PTPRD: variants seen among roughly 807,000 people sequenced by gnomAD.
The protein encoded by PTPRD is receptor-type tyrosine-protein phosphatase delta.
In PTPRD, 34 loss-of-function variants were observed where a neutral mutation model predicts 214.5. That is an observed-to-expected ratio of 0.16 (90% CI 0.12 to 0.21). The LOEUF is 0.21. PTPRD is among the 10% of genes least tolerant of loss of function. The pLI, the probability that PTPRD is intolerant of heterozygous loss-of-function variation, is 1.00. For missense variants in PTPRD, 2,545 were observed against 2,398.7 expected (o/e 1.06, Z -1.27); for synonymous variants, 1,128 against 845.7 (o/e 1.33, Z -5.79).
At chr9:8,477,086 C>A (rs1223914038) in intron 30 of PTPRD, among the ~76,000 whole-genome samples, 1 of 151,234 alleles carries the variant, frequency 6.6e-6, no homozygotes, top group Admixed American at 6.6e-5. Context: ...TTCATATCAA[C>A]CAAATCATAT....
At chr9:8,908,157 C>T (rs930442184) in intron 11 of PTPRD, among the ~76,000 whole-genome samples, 2 of 152,126 alleles carry the variant, frequency 1.3e-5, no homozygotes, top group African/African-American at 4.8e-5. Flanking sequence ...TGTAATGAAA[C>T]TGCTGAAAAA....
At chr9:8,378,699 C>T (rs1196456265) in intron 37 of PTPRD, among the ~76,000 whole-genome samples, 1 of 152,038 alleles carries the variant, frequency 6.6e-6, no homozygotes, top group Non-Finnish European at 1.5e-5. Context: ...AAAAACAGCA[C>T]ATTAATGCAA....
chr9:10,428,591 A>G (rs907661524), intron 2 of PTPRD, among the ~76,000 whole-genome samples: 1 of 152,010 alleles, frequency 6.6e-6, no homozygotes, highest in African/African-American at 2.4e-5. Flanking sequence ...TTAAGATCCC[A>G]CTGTTCTCAT....
In PTPRD at chr9:10,138,973, T is replaced by A. The variant is rs538952628; in HGVS notation, c.-544-105183A>T. On this transcript the variant is annotated intron_variant, in intron 3 of 45. Transcript: ENST00000381196. The stretch of plus-strand genomic sequence containing the variant: ...ATGGGCAAAACTGCAACCACCCCCC[T>A]TGAGAACAAGGCAAAGATGCCCACT... 4.1e-4 allele frequency among the ~76,000 whole-genome samples: 63 copies of A among 151,968 alleles called. 1 individual carries two copies. The highest frequency in any genetic ancestry group is 7.4e-5 in the Non-Finnish European group (5 of 67,920).
At chr9:9,178,674 A>G (rs555963535) in intron 10 of PTPRD, among the ~76,000 whole-genome samples, 32 of 152,214 alleles carry the variant, frequency 2.1e-4, no homozygotes, top group Non-Finnish European at 3.4e-4. Context: ...ACCTCCATAC[A>G]AGTCATTACA....
rs973062184 is a variant in PTPRD at position 9,234,736 on chromosome 9, T to C, written c.-202-51373A>G. On this transcript the variant is annotated intron_variant, in intron 9 of 45. Transcript: ENST00000381196. Reference sequence around the variant, plus strand: ...AAAGGATAGCAAGAATCACCTTTATTCAGTTCCCAAAAAGTTCCTCATCTC... The same window carrying C: ...AAAGGATAGCAAGAATCACCTTTATCCAGTTCCCAAAAAGTTCCTCATCTC... Among the ~76,000 whole-genome samples, 26 of 152,126 alleles carry C rather than the reference T, an allele frequency of 1.7e-4. 1 individual carries two copies. The highest frequency in any genetic ancestry group is 6.0e-4 in the African/African-American group (25 of 41,434).
At chr9:9,238,072 C>T (rs149155970) in intron 9 of PTPRD, among the ~76,000 whole-genome samples, 2,454 of 152,140 alleles carry the variant, frequency 0.016, 27 homozygotes, top group Non-Finnish European at 0.026. Context: ...GAAGCATCAG[C>T]GTTCTGGCAG....
intron 3 of PTPRD, among the ~76,000 whole-genome samples, chr9:10,160,993 C>T (rs1363265072): frequency 6.6e-6 from 1 of 151,566 alleles, no homozygotes; most frequent in Admixed American, 6.6e-5. Flanking sequence ...TATAAAATGC[C>T]TAGAAATCAA....
At position 10,349,239 on chromosome 9, in the gene PTPRD, A is replaced by C. The variant is rs2097141929; in HGVS notation, c.-599-8222T>G. ...AAATCATCTTTGGGGAAAGTCATAG[A>C]CCTGTCTCCAGTGGGGTGGGGGGTG... On this transcript the variant is annotated intron_variant, in intron 2 of 45. Transcript: ENST00000381196. 3.5e-5 allele frequency among the ~76,000 whole-genome samples: 4 copies of C among 113,350 alleles called. No individual in the cohort carries two copies. In the South Asian group the frequency reaches 1.3e-3, roughly 36 times the overall value. 74.4% of individuals were successfully genotyped at this position (113,350 alleles called of 152,430 possible).
chr9:8,996,413 G>T (rs1449211493), intron 11 of PTPRD, among the ~76,000 whole-genome samples: 1 of 152,034 alleles, frequency 6.6e-6, no homozygotes, highest in Non-Finnish European at 1.5e-5. Context: ...TGATGTTCTG[G>T]AAAAAGAAAA....
At chr9:9,029,939 T>G (rs952033779) in intron 10 of PTPRD, among the ~76,000 whole-genome samples, 2 of 151,924 alleles carry the variant, frequency 1.3e-5, no homozygotes, top group Non-Finnish European at 2.9e-5. Context: ...CGATTTCAGG[T>G]GGTGACTCAA....
intron 4 of PTPRD, among the ~76,000 whole-genome samples, chr9:10,023,483 T>TGTGTATGTA (rs2096862352): frequency 6.6e-6 from 1 of 152,220 alleles, no homozygotes; most frequent in Non-Finnish European, 1.5e-5. Flanking sequence ...CTACATCTTT[T>TGTGTATGTA]CTGTATATAA....
intron 3 of PTPRD, among the ~76,000 whole-genome samples, chr9:10,276,109 G>T (rs905460019): frequency 2.0e-5 from 3 of 152,154 alleles, no homozygotes; most frequent in Non-Finnish European, 4.4e-5. Context: ...TTACAACAAT[G>T]CCATCTGGAC....
intron 7 of PTPRD, among the ~76,000 whole-genome samples, chr9:9,705,079 AG>A (rs1225499764): frequency 6.6e-6 from 1 of 152,206 alleles, no homozygotes; most frequent in African/African-American, 2.4e-5. Flanking sequence ...AAGCAATGTG[AG>A]CATTTTCTAG....
At chr9:8,728,973 G>A (rs988784656) in intron 12 of PTPRD, among the ~76,000 whole-genome samples, 1 of 152,074 alleles carries the variant, frequency 6.6e-6, no homozygotes, top group Admixed American at 6.6e-5. Flanking sequence ...GAGTGAGACT[G>A]TCTCAAAAAA....
intron 8 of PTPRD, among the ~76,000 whole-genome samples, chr9:9,499,623 G>C (rs2096333000): frequency 6.6e-6 from 1 of 151,948 alleles, no homozygotes; most frequent in African/African-American, 2.4e-5. Flanking sequence ...GAATCAGACT[G>C]GTATATGGGC....
chr9:10,223,419 G>A (rs1594679759), intron 3 of PTPRD, among the ~76,000 whole-genome samples: 1 of 151,864 alleles, frequency 6.6e-6, no homozygotes, highest in Non-Finnish European at 1.5e-5. Context: ...AATCTCAGCA[G>A]TTTGGGATTC....
intron 4 of PTPRD, among the ~76,000 whole-genome samples, chr9:9,978,243 T>G (rs2095425916): frequency 6.6e-6 from 1 of 152,166 alleles, no homozygotes. Context: ...ACCTGAGTGT[T>G]AGATTTACTG....
intron 2 of PTPRD, among the ~76,000 whole-genome samples, chr9:10,483,314 C>T (rs905317885): frequency 6.6e-6 from 1 of 152,156 alleles, no homozygotes; most frequent in East Asian, 1.9e-4. Flanking sequence ...AATCTAACCC[C>T]TAACACCATA....
Sources: gnomAD v4.1 joint callset for allele counts (sites outside exome capture counted in the v4.1 genomes callset) on GRCh38, gnomAD v4.1.1 for gene constraint, MANE v1.5 for transcripts, NCBI Gene and HGNC (gene_info 2026-07-23, HGNC 2026-07-21) for gene names.